Variants in LRP1B observed in about 807,000 individuals in gnomAD.
The protein encoded by LRP1B is low-density lipoprotein receptor-related protein 1B.
In LRP1B, 217 loss-of-function variants were observed where a neutral mutation model predicts 556.6. The observed-to-expected ratio is 0.39, with a 90% CI of 0.35 to 0.44. The LOEUF is 0.44. Among genes scored for constraint, LRP1B ranks in the 20% least tolerant of loss-of-function variants. The pLI is 1.00. For synonymous variants in LRP1B, 2,047 were observed against 1,865.8 expected (o/e 1.10, Z -2.50); for missense variants, 5,053 against 5,620.8 (o/e 0.90, Z 3.23).
chr2:140,401,547 T>C (rs952899659), intron 66 of LRP1B, among the ~76,000 whole-genome samples: 1 of 152,194 alleles, frequency 6.6e-6, no homozygotes, highest in Non-Finnish European at 1.5e-5. Flanking sequence ...CTGATCCACC[T>C]GAGATAGGCC....
intron 30 of LRP1B, 52 bp from the exon 31 acceptor site, chr2:140,840,137 T>G: frequency 1.0e-6 from 1 of 987,602 alleles, no homozygotes; most frequent in Non-Finnish European, 1.5e-6. Flanking sequence ...ACCTACTCAC[T>G]GAGAAGAAAT....
At chr2:141,037,885 T>C (rs1309128438) in intron 11 of LRP1B, among the ~76,000 whole-genome samples, 2 of 148,280 alleles carry the variant, frequency 1.3e-5, no homozygotes, top group African/African-American at 4.9e-5. Context: ...CACGTGCATG[T>C]ACACACACAC....
intron 35 of LRP1B, among the ~76,000 whole-genome samples, chr2:140,749,479 T>C (rs1418556939): frequency 6.6e-6 from 1 of 152,150 alleles, no homozygotes; most frequent in East Asian, 1.9e-4. Context: ...ATATAAACTT[T>C]ATTCTGTTTT....
chr2:142,088,755 C>T (rs1223452348), intron 1 of LRP1B, among the ~76,000 whole-genome samples: 1 of 151,988 alleles, frequency 6.6e-6, no homozygotes, highest in Admixed American at 6.6e-5. Flanking sequence ...GAGGGAGGAA[C>T]ACGAGGTCAG....
intron 2 of LRP1B, among the ~76,000 whole-genome samples, chr2:141,580,059 G>T (rs1417739304): frequency 6.6e-6 from 1 of 152,024 alleles, no homozygotes; most frequent in East Asian, 1.9e-4. Context: ...ATTTGACCTT[G>T]TCACCAAGTT....
At chr2:140,763,400 G>T (rs115817494) in intron 35 of LRP1B, among the ~76,000 whole-genome samples, 2,106 of 152,118 alleles carry the variant, frequency 0.014, 26 homozygotes, top group Non-Finnish European at 0.023. Context: ...CAGGGAAAAA[G>T]AAAGTTTTCC....
At chr2:141,287,295 A>G (rs1685756883) in intron 3 of LRP1B, among the ~76,000 whole-genome samples, 1 of 151,012 alleles carries the variant, frequency 6.6e-6, no homozygotes, top group Admixed American at 6.6e-5. Flanking sequence ...ATAGGGCATT[A>G]ATTTTTGACT....
intron 41 of LRP1B, among the ~76,000 whole-genome samples, chr2:140,632,130 G>T (rs577770516): frequency 6.6e-6 from 1 of 152,092 alleles, no homozygotes; most frequent in South Asian, 2.1e-4. Flanking sequence ...TAATCCTGCC[G>T]TGCAAAAGAA....
chr2:140,716,188 C>A (rs1687203592), intron 36 of LRP1B, 86 bp from the exon 37 acceptor site: 2 of 951,848 alleles, frequency 2.1e-6, no homozygotes, highest in Admixed American at 4.7e-5. Context: ...TCTGAGCATT[C>A]ACATAACTAT....
At chr2:140,707,079 A>T (rs1686865841) in intron 37 of LRP1B, among the ~76,000 whole-genome samples, 1 of 152,072 alleles carries the variant, frequency 6.6e-6, no homozygotes, top group East Asian at 1.9e-4. Context: ...GGCATTAATC[A>T]TTTTCTCTGG....
At chr2:141,829,754 C>CT (rs1309203049) in intron 1 of LRP1B, among the ~76,000 whole-genome samples, 4 of 151,842 alleles carry the variant, frequency 2.6e-5, no homozygotes, top group Admixed American at 1.3e-4. Flanking sequence ...TTTGAATCTT[C>CT]TTTTTTACTT....
At chr2:140,835,534 T>TTTTA (rs1347294684) in intron 31 of LRP1B, among the ~76,000 whole-genome samples, 2 of 152,070 alleles carry the variant, frequency 1.3e-5, no homozygotes, top group Non-Finnish European at 2.9e-5. Flanking sequence ...TTTATTTTAT[T>TTTTA]TTTATTTATT....
intron 23 of LRP1B, among the ~76,000 whole-genome samples, chr2:140,896,821 A>G (rs140462277): frequency 2.2e-4 from 34 of 152,184 alleles, no homozygotes; most frequent in African/African-American, 7.5e-4. Flanking sequence ...TTTAATGTCA[A>G]GAGGGATAAG....
chr2:140,733,396 C>T (rs185463266), intron 35 of LRP1B, among the ~76,000 whole-genome samples: 8 of 151,910 alleles, frequency 5.3e-5, no homozygotes, highest in Admixed American at 1.3e-4. Flanking sequence ...AAACTATGTC[C>T]GCAGAAAGCT....
chr2:141,168,900 A>T (rs887595917), intron 7 of LRP1B, among the ~76,000 whole-genome samples: 1 of 152,110 alleles, frequency 6.6e-6, no homozygotes, highest in Non-Finnish European at 1.5e-5. Flanking sequence ...AACACAGCAG[A>T]TGGAGTAAAT....
Position 140,836,469 on chromosome 2 carries a change from T to C in LRP1B, c.5209+3522A>G, listed in dbSNP as rs190779603. On this transcript the variant is annotated intron_variant, in intron 31 of 90. Transcript: ENST00000389484. The stretch of plus-strand genomic sequence containing the variant: ...AAATTGCTATACATTGTCCCTAATT[T>C]CTAGATTTCTGAATTTTCTTTTTCT... 2.6e-4 allele frequency among the ~76,000 whole-genome samples: 39 copies of C among 152,306 alleles called. 1 individual carries two copies. Among genetic ancestry groups the C allele is most frequent in the Admixed American group, 1.2e-3 (18 of 15,298 alleles).
intron 33 of LRP1B, among the ~76,000 whole-genome samples, chr2:140,775,303 CTCT>C (rs1689453742): frequency 6.6e-6 from 1 of 151,922 alleles, no homozygotes; most frequent in Non-Finnish European, 1.5e-5. Flanking sequence ...ATTACCCCTG[CTCT>C]TCTCTGCTTT....
chr2:140,867,849 A>C lies in LRP1B; in HGVS notation c.4335-15T>G. The C allele has an allele frequency of 6.6e-7, 1 of 1,506,632 alleles. No individual in the cohort carries two copies. Among genetic ancestry groups the C allele is most frequent in the East Asian group, 2.3e-5 (1 of 42,864 alleles). The allele number at this position is 1,506,632 out of a possible 1,614,324, so 93.3% of individuals were successfully genotyped here. ...TAGCATCTGACCTACAGAAAGATAA[A>C]TACATGAGTAGTTTGTCAAAACTCA... On this transcript the variant is annotated splice_polypyrimidine_tract_variant and intron_variant, in intron 26 of 90. Coordinates refer to ENST00000389484, the MANE Select transcript of LRP1B (RefSeq NM_018557.3).
intron 7 of LRP1B, among the ~76,000 whole-genome samples, chr2:141,128,728 C>T (rs564177833): frequency 6.6e-6 from 1 of 152,310 alleles, no homozygotes; most frequent in African/African-American, 2.4e-5. Flanking sequence ...TCAAGCAGTT[C>T]TCCTACCTCA....
Sources: gnomAD v4.1 joint callset for allele counts (sites outside exome capture counted in the v4.1 genomes callset) on GRCh38, gnomAD v4.1.1 for gene constraint, MANE v1.5 for transcripts, NCBI Gene and HGNC (gene_info 2026-07-23, HGNC 2026-07-21) for gene names.